Variants in PPP2R5C observed in about 807,000 individuals in gnomAD.
The protein encoded by PPP2R5C is serine/threonine-protein phosphatase 2A 56 kDa regulatory subunit gamma isoform.
In PPP2R5C, 7 loss-of-function variants were observed where a neutral mutation model predicts 68.9. The observed-to-expected ratio is 0.10, with a 90% CI of 0.06 to 0.19. The LOEUF is 0.19. Ranked by LOEUF, PPP2R5C falls within the 10% of genes least tolerant of loss-of-function variation. The pLI is 1.00. For missense variants in PPP2R5C, 348 were observed against 641.3 expected, an observed-to-expected ratio of 0.54 and a Z score of 4.94; for synonymous variants, 210 against 222.2, an observed-to-expected ratio of 0.95 and a Z score of 0.49.
chr14:101,846,951 A>G (rs1333414369), intron 1 of PPP2R5C, among the ~76,000 whole-genome samples: 1 of 152,250 alleles, frequency 6.6e-6, no homozygotes, highest in Non-Finnish European at 1.5e-5. Flanking sequence ...CAGAGATTCC[A>G]CAGAAGAGAA....
At chr14:101,763,094 G>A in intron 2 of PPP2R5C, 124 bp downstream of exon 2, 1 of 779,496 alleles carries the variant, frequency 1.3e-6, no homozygotes, top group South Asian at 1.8e-5. Context: ...TTTTTTTTGT[G>A]GTGTCTTTTA....
At chr14:101,791,586 T>C (rs2038367364) in intron 3 of PPP2R5C, among the ~76,000 whole-genome samples, 1 of 152,200 alleles carries the variant, frequency 6.6e-6, no homozygotes, top group African/African-American at 2.4e-5. Flanking sequence ...TCAATTTTTG[T>C]TATTCGTTGT....
Position 101,797,544 on chromosome 14 carries a change from C to T in PPP2R5C, c.259+11361C>T, listed in dbSNP as rs2038671485. On this transcript the variant is annotated intron_variant, in intron 3 of 14. Transcript: ENST00000328724. The surrounding 1 kb of genome is among the most constrained non-coding windows in gnomAD (Gnocchi z 4.2). ...GTGGTGTCACCTCTCGTGGGGTGGC[C>T]AAAACCCCAGCCAGGGCCACCTATC... 1 of 275,444 alleles carries T rather than the reference C, an allele frequency of 3.6e-6. No homozygotes were observed. Among genetic ancestry groups the T allele is most frequent in the Non-Finnish European group, 7.3e-6 (1 of 136,746 alleles). 17.1% of individuals were successfully genotyped at this position (275,444 alleles called of 1,614,324 possible).
chr14:101,763,110 C>A, intron 2 of PPP2R5C, 140 bp downstream of exon 2: 2 of 663,672 alleles, frequency 3.0e-6, no homozygotes, highest in East Asian at 2.8e-5. Context: ...TTTTATAACC[C>A]TCAATTTTAG....
upstream of PPP2R5C, among the ~76,000 whole-genome samples, chr14:101,807,222 C>T (rs2039114006): frequency 6.6e-6 from 1 of 152,146 alleles, no homozygotes; most frequent in African/African-American, 2.4e-5. Flanking sequence ...TTGTCTGCCC[C>T]AAGATTGCCA....
At chr14:101,867,824 C>T (rs533246195) in intron 2 of PPP2R5C, among the ~76,000 whole-genome samples, 17 of 152,100 alleles carry the variant, frequency 1.1e-4, no homozygotes, top group Admixed American at 2.6e-4. Context: ...ACAAGCTATC[C>T]GTATGTAATA....
intron 7 of PPP2R5C, 26 bp downstream of exon 9, chr14:101,893,134 C>T (rs1319408963): frequency 1.4e-6 from 2 of 1,470,200 alleles, no homozygotes; most frequent in Admixed American, 1.7e-5. Flanking sequence ...ACTCTAGGAA[C>T]ACAGCTGTTG....
chr14:101,890,320 A>G lies in PPP2R5C; in HGVS notation c.689+24A>G, dbSNP rs187587217. 8,026 of 1,603,932 alleles carry G rather than the reference A, an allele frequency of 5.0e-3. 19 individuals are homozygous for G. Among genetic ancestry groups the G allele is most frequent in the Non-Finnish European group, 6.2e-3 (7,230 of 1,171,264 alleles). Reference sequence around the variant, plus strand: ...AGGTAAGCCTCTGTTATGGGTAGCAAACGGCTGTAGATGGAATTTATACCA... The same window carrying G: ...AGGTAAGCCTCTGTTATGGGTAGCAGACGGCTGTAGATGGAATTTATACCA... On this transcript the variant is annotated intron_variant, in intron 6 of 13. Coordinates refer to ENST00000334743, the Ensembl canonical transcript of PPP2R5C.
chr14:101,871,234 G>T (rs188550083), intron 2 of PPP2R5C, among the ~76,000 whole-genome samples: 11,360 of 131,168 alleles, frequency 0.087, 468 homozygotes, highest in Middle Eastern at 0.16. Context: ...GGTTTTTGTT[G>T]TTGTTGTTGT....
intron 1 of PPP2R5C, among the ~76,000 whole-genome samples, chr14:101,849,344 C>T (rs936580058): frequency 4.6e-5 from 7 of 152,140 alleles, no homozygotes; most frequent in African/African-American, 9.7e-5. Flanking sequence ...GGGTGGTGTT[C>T]GGGCTCCAGC....
intron 12 of PPP2R5C, chr14:101,914,437 C>CA (rs1214723756): frequency 9.0e-6 from 2 of 222,796 alleles, no homozygotes; most frequent in Non-Finnish European, 1.9e-5. Flanking sequence ...CCCATTACAA[C>CA]AGCAACAAAA....
At chr14:101,836,962 G>T (rs2041144647) in intron 1 of PPP2R5C, among the ~76,000 whole-genome samples, 1 of 152,226 alleles carries the variant, frequency 6.6e-6, no homozygotes, top group African/African-American at 2.4e-5. Flanking sequence ...AGCGAGAACT[G>T]TAGGGGATTA....
exon 14 of PPP2R5C, chr14:101,926,183 A>C (rs1204765663): frequency 6.6e-6 from 1 of 152,270 alleles, no homozygotes; most frequent in Non-Finnish European, 1.5e-5. Flanking sequence ...AATCATTTTG[A>C]GTTAAGCCAG....
chr14:101,834,962 C>T (rs1367868779), intron 1 of PPP2R5C, among the ~76,000 whole-genome samples: 1 of 152,196 alleles, frequency 6.6e-6, no homozygotes, highest in Non-Finnish European at 1.5e-5. Flanking sequence ...GCTCCACCTA[C>T]TTGGCAGGGT....
chr14:101,765,525 G>T, intron 2 of PPP2R5C: 4 of 345,360 alleles, frequency 1.2e-5, no homozygotes, highest in East Asian at 5.0e-5. Flanking sequence ...ATTTTAACCT[G>T]AACAATTTAA....
At chr14:101,910,811 C>CA (rs1396630180) in intron 11 of PPP2R5C, among the ~76,000 whole-genome samples, 21 of 146,114 alleles carry the variant, frequency 1.4e-4, no homozygotes, top group Non-Finnish European at 2.7e-4. Flanking sequence ...ACTAAAAATA[C>CA]AAAAAAAAAG....
At chr14:101,832,152 T>C (rs1020778051) in intron 1 of PPP2R5C, among the ~76,000 whole-genome samples, 13 of 152,186 alleles carry the variant, frequency 8.5e-5, no homozygotes, top group African/African-American at 2.7e-4. Context: ...AGGTAATCAT[T>C]GGAGATTTGT....
rs1479665501 is a variant in PPP2R5C at position 101,888,177 on chromosome 14, T to C, written c.630-2060T>C. Among the ~76,000 whole-genome samples the C allele has an allele frequency of 6.6e-6, 1 of 151,802 alleles. No individual in the cohort carries two copies. Among genetic ancestry groups the C allele is most frequent in the Admixed American group, 6.6e-5 (1 of 15,232 alleles). The stretch of plus-strand genomic sequence containing the variant: ...ATCTAGACCAGAAGGGGTCCAGGGG[T>C]CTTTGTCTCGGAGAGGCCCAGATCA... On this transcript the variant is annotated intron_variant, in intron 5 of 13. Transcript: ENST00000334743. The surrounding 1 kb of genome is among the most constrained non-coding windows in gnomAD (Gnocchi z 5.6).
intron 2 of PPP2R5C, chr14:101,765,018 A>G: frequency 1.6e-6 from 1 of 606,858 alleles, no homozygotes; most frequent in Non-Finnish European, 3.0e-6. Flanking sequence ...GAAAAATCTC[A>G]GTAGTTCAAA....
Sources: allele counts gnomAD v4.1 joint callset (sites outside exome capture counted in the v4.1 genomes callset), GRCh38; gene constraint gnomAD v4.1.1; non-coding constraint Gnocchi (gnomAD v3.1); transcripts MANE v1.5; gene names NCBI Gene and HGNC (gene_info 2026-07-23, HGNC 2026-07-21).